PKD2: variants seen among roughly 807,000 people sequenced by gnomAD.
The protein encoded by PKD2 is polycystin 2, transient receptor potential cation channel.
In PKD2, 48 loss-of-function variants were observed where a neutral mutation model predicts 105.9. The observed-to-expected ratio is 0.45, with a 90% CI of 0.36 to 0.58. The LOEUF (loss-of-function observed/expected upper bound fraction) is 0.58, where lower values mean the gene tolerates loss of function less well. Ranked by LOEUF, PKD2 falls within the 20% of genes least tolerant of loss-of-function variation. The pLI is 0.00. For missense variants in PKD2, 1,078 were observed against 1,255.3 expected (o/e 0.86, Z 2.13); for synonymous variants, 464 against 481.1 (o/e 0.96, Z 0.46).
At chr4:88,016,400 C>A (rs1417220142) in intron 1 of PKD2, among the ~76,000 whole-genome samples, 3 of 152,210 alleles carry the variant, frequency 2.0e-5, no homozygotes, top group African/African-American at 7.2e-5. Flanking sequence ...ATGGGAAAGA[C>A]AACAGTTGAT....
chr4:88,013,171 T>A (rs1194603921), intron 1 of PKD2, among the ~76,000 whole-genome samples: 1 of 152,228 alleles, frequency 6.6e-6, no homozygotes, highest in Non-Finnish European at 1.5e-5. Context: ...ACTTTGTATT[T>A]TCATTACTCT....
At chr4:88,057,530 G>A (rs994354867) in intron 8 of PKD2, among the ~76,000 whole-genome samples, 1 of 151,340 alleles carries the variant, frequency 6.6e-6, no homozygotes, top group Non-Finnish European at 1.5e-5. Context: ...CTGCCTCCCG[G>A]GTTCAAGCGA....
At chr4:88,057,231 T>C (rs1359057154) in intron 8 of PKD2, among the ~76,000 whole-genome samples, 1 of 151,876 alleles carries the variant, frequency 6.6e-6, no homozygotes, top group African/African-American at 2.4e-5. Context: ...CCTCACACTG[T>C]CCTCTCACCT....
At chr4:88,058,464 T>C (rs1159364877) in intron 9 of PKD2, among the ~76,000 whole-genome samples, 2 of 152,192 alleles carry the variant, frequency 1.3e-5, no homozygotes, top group African/African-American at 4.8e-5. Context: ...GCCTAAAAAG[T>C]AGAATATGCT....
At chr4:88,036,145 C>G (rs562398126) in intron 2 of PKD2, 75 bp from the exon 3 acceptor site, 1 of 1,612,748 alleles carries the variant, frequency 6.2e-7, no homozygotes, top group African/African-American at 1.3e-5. Context: ...GGAACAATCC[C>G]TTTGTGAAGG....
At chr4:88,022,347 C>T (rs964985869) in intron 2 of PKD2, among the ~76,000 whole-genome samples, 1 of 152,136 alleles carries the variant, frequency 6.6e-6, no homozygotes, top group African/African-American at 2.4e-5. Flanking sequence ...AATTATTAAA[C>T]TAAAAAAGAT....
chr4:88,030,740 A>G (rs888276273), intron 2 of PKD2, among the ~76,000 whole-genome samples: 1 of 152,198 alleles, frequency 6.6e-6, no homozygotes. Flanking sequence ...GTCAGACCAG[A>G]CCAGCTCATG....
chr4:88,058,376 T>C (rs1261620477), intron 9 of PKD2, among the ~76,000 whole-genome samples: 1 of 152,208 alleles, frequency 6.6e-6, no homozygotes, highest in Non-Finnish European at 1.5e-5. Context: ...CATTTCTCTC[T>C]CTATATATGT....
intron 7 of PKD2, among the ~76,000 whole-genome samples, chr4:88,053,256 T>C (rs779326197): frequency 2.0e-5 from 3 of 152,176 alleles, no homozygotes; most frequent in Admixed American, 6.5e-5. Flanking sequence ...TGTAGAACAT[T>C]TCCATCATCA....
chr4:88,041,203 G>A (rs1448611193), intron 4 of PKD2, among the ~76,000 whole-genome samples: 3 of 152,128 alleles, frequency 2.0e-5, no homozygotes, highest in African/African-American at 7.2e-5. Context: ...TCATTTTTGA[G>A]CCATGTTTCC....
chr4:88,036,514 A>ATGTT, intron 3 of PKD2, 161 bp downstream of exon 3: 1 of 701,966 alleles, frequency 1.4e-6, no homozygotes, highest in Non-Finnish European at 1.8e-6. Flanking sequence ...CCTACTCTCA[A>ATGTT]AGGGGGTAAA....
Position 88,036,262 on chromosome 4 carries a change from G to T in PKD2, c.752G>T (p.Arg251Leu). Residue 251 changes from arginine (R) to leucine (L), a missense_variant, in exon 3 of 15, where the codon CGG becomes CTG. Transcript: ENST00000237596. The stretch of plus-strand genomic sequence containing the variant: ...AGCTCCAATGTGTACTACTACACCC[G>T]GATGATGTCACAGCTCTTCCTAGAC... ...MMSSNVYYYTRMMSQLFLDTP... is the reference protein window; with the variant it reads ...MMSSNVYYYTLMMSQLFLDTP... The T allele has an allele frequency of 6.2e-7, 1 of 1,613,752 alleles. No individual in the cohort carries two copies. Among genetic ancestry groups the T allele is most frequent in the Non-Finnish European group, 8.5e-7 (1 of 1,179,722 alleles).
In PKD2 at chr4:88,075,499, G is replaced by T. The variant is rs761042926; in HGVS notation, c.2712G>T (p.Gln904His). The stretch of plus-strand genomic sequence containing the variant: ...GTGACAGTGAAATCCATAGGGAACA[G>T]ATGGAACGGCTAGTACGTGAAGAGT... ...LGRDSEIHRE[Q>H]MERLVREELE... The change falls in exon 15 of 15, where the codon CAG becomes CAT. Residue 904 changes from glutamine to histidine, a missense_variant. Gln to His is a conservative substitution (Grantham distance 24, BLOSUM62 0). Transcript: ENST00000237596. 2.5e-6 allele frequency: 4 copies of T among 1,614,132 alleles called. No homozygotes were observed. In the South Asian group the frequency reaches 3.3e-5, roughly 13 times the overall value.
chr4:88,061,720 A>G (rs1720578271), intron 9 of PKD2, among the ~76,000 whole-genome samples, 186 bp from the exon 10 acceptor site: 1 of 151,952 alleles, frequency 6.6e-6, no homozygotes, highest in South Asian at 2.1e-4. Context: ...CCTGGGCAAC[A>G]CAGTGAGACT....
rs1445377648 is a variant in PKD2, at chr4:88,008,278, G to T, written c.545G>T (p.Gly182Val). 1.4e-6 allele frequency: 2 copies of T among 1,477,630 alleles called. No homozygotes were observed. The highest frequency in any genetic ancestry group is 1.3e-5 in the South Asian group (1 of 77,918). 91.5% of individuals were successfully genotyped at this position (1,477,630 alleles called of 1,614,324 possible). ...DPLHRHLPLE[G>V]QPPRVAWAER... Reference sequence around the variant, plus strand: ...CTGCATCGCCACCTCCCCCTGGAAGGGCAGCCGCCCCGAGTGGCCTGGGCG... The same window carrying T: ...CTGCATCGCCACCTCCCCCTGGAAGTGCAGCCGCCCCGAGTGGCCTGGGCG... The change falls in exon 1 of 15, where the codon GGG (glycine) becomes GTG (valine). Residue 182 changes from glycine to valine, a missense_variant. By Grantham distance (109) the Gly-to-Val change is moderately radical. Around this residue, in one of 2 missense-constraint regions of PKD2, gnomAD observed 868 missense variants for 1,067.3 expected, o/e 0.81. Coordinates refer to ENST00000237596, the MANE Select transcript of PKD2 (RefSeq NM_000297.4).
rs138683448 is a variant in PKD2, at chr4:88,046,606, GTTGTTA to G, written c.1320-30_1320-25del. The G allele has an allele frequency of 1.2e-3, 1,426 of 1,182,574 alleles. 12 individuals are homozygous for G. In the African/African-American group the frequency reaches 0.019, roughly 15 times the overall value. 73.3% of individuals were successfully genotyped at this position (1,182,574 alleles called of 1,614,324 possible). A position where few individuals can be genotyped will look rare whatever the true frequency, so the allele number is the denominator to read the frequency against. On this transcript the variant is annotated intron_variant, in intron 5 of 14. Coordinates refer to ENST00000237596, the MANE Select transcript of PKD2 (RefSeq NM_000297.4). ...TTCCTGGCTGTATTCATGTGTTGTT[GTTGTTA>G]TTGTTTTAATTGTTCTTATTTACAT...
At chr4:88,066,181 C>T (rs1720787083) in intron 12 of PKD2, among the ~76,000 whole-genome samples, 1 of 151,964 alleles carries the variant, frequency 6.6e-6, no homozygotes, top group Admixed American at 6.6e-5. Context: ...AACACATATG[C>T]TTATTAAGAT....
intron 1 of PKD2, among the ~76,000 whole-genome samples, chr4:88,008,815 A>G (rs1726292295): frequency 6.6e-6 from 1 of 152,148 alleles, no homozygotes; most frequent in South Asian, 2.1e-4. Context: ...AGTGCATATA[A>G]TGTCAAGTTG....
chr4:88,015,483 G>C (rs1256489110), intron 1 of PKD2, among the ~76,000 whole-genome samples: 1 of 151,874 alleles, frequency 6.6e-6, no homozygotes, highest in Non-Finnish European at 1.5e-5. Context: ...TGTGATCTCG[G>C]CTCACTGTAG....
Sources: allele counts gnomAD v4.1 joint callset (sites outside exome capture counted in the v4.1 genomes callset), GRCh38; gene constraint gnomAD v4.1.1; regional missense constraint gnomAD v4.1.1; transcripts MANE v1.5; gene names NCBI Gene and HGNC (gene_info 2026-07-23, HGNC 2026-07-21).